RHOT1: variants seen among roughly 807,000 people sequenced by gnomAD.
The protein encoded by RHOT1 is mitochondrial Rho GTPase 1.
RHOT1 carries 27 observed loss-of-function variants against 95.3 expected under a neutral mutation model. That is an observed-to-expected ratio of 0.28 (90% CI 0.21 to 0.39). The LOEUF (loss-of-function observed/expected upper bound fraction) is 0.39. Among genes scored for constraint, RHOT1 ranks in the 10% least tolerant of loss-of-function variants. The pLI, the probability that RHOT1 is intolerant of heterozygous loss-of-function variation, is 1.00. For synonymous variants in RHOT1, 227 were observed against 263.5 expected (o/e 0.86, Z 1.34); for missense variants, 578 against 786.7 (o/e 0.73, Z 3.17).
chr17:32,214,334 T>TG (rs1192296767), intron 19 of RHOT1, among the ~76,000 whole-genome samples: 1 of 152,208 alleles, frequency 6.6e-6, no homozygotes, highest in Admixed American at 6.5e-5. Flanking sequence ...GGTCTGGTGT[T>TG]GCCAGGTTTT....
At chr17:32,209,448 A>G in intron 18 of RHOT1, 1 of 1,549,978 alleles carries the variant, frequency 6.5e-7, no homozygotes, top group Non-Finnish European at 8.9e-7. Context: ...ACTGCTTTGT[A>G]AGTTACTTTT....
chr17:32,168,264 C>T (rs1473416765), intron 1 of RHOT1, among the ~76,000 whole-genome samples: 2 of 152,012 alleles, frequency 1.3e-5, no homozygotes, highest in East Asian at 1.9e-4. Flanking sequence ...CACTCACATA[C>T]ACATGCATGT....
chr17:32,163,491 G>A (rs1279709188), intron 1 of RHOT1, among the ~76,000 whole-genome samples: 1 of 152,204 alleles, frequency 6.6e-6, no homozygotes, highest in Non-Finnish European at 1.5e-5. Context: ...CCAGCATTTT[G>A]GGAGGCCAAG....
chr17:32,161,698 C>T (rs556245251), intron 1 of RHOT1, among the ~76,000 whole-genome samples: 2 of 152,324 alleles, frequency 1.3e-5, no homozygotes, highest in African/African-American at 2.4e-5. Context: ...TCAACTATGT[C>T]AGATTTCTCT....
At chr17:32,177,789 G>T (rs1399916574) in intron 6 of RHOT1, among the ~76,000 whole-genome samples, 1 of 148,150 alleles carries the variant, frequency 6.7e-6, no homozygotes, top group Non-Finnish European at 1.5e-5. Context: ...CGAGCCTGCA[G>T]ATGGCTGCAG....
intron 8 of RHOT1, among the ~76,000 whole-genome samples, chr17:32,184,684 G>T (rs2035897926): frequency 6.6e-6 from 1 of 151,892 alleles, no homozygotes; most frequent in African/African-American, 2.4e-5. Context: ...TTTTTGTAAA[G>T]ACAGGGTTTC....
intron 4 of RHOT1, 97 bp downstream of exon 4, chr17:32,175,459 G>C: frequency 7.7e-7 from 1 of 1,297,554 alleles, no homozygotes; most frequent in Non-Finnish European, 1.1e-6. Context: ...GTTGGTTTTT[G>C]TGTTTTTTTT....
intron 16 of RHOT1, among the ~76,000 whole-genome samples, chr17:32,206,326 C>T (rs2037732066): frequency 2.0e-5 from 3 of 150,672 alleles, no homozygotes; most frequent in Non-Finnish European, 3.0e-5. Context: ...CTGCCTTAGC[C>T]TCCCCAGTAG....
rs368688449 is a variant in RHOT1, at chr17:32,186,626, A to G, written c.540+3354A>G. On this transcript the variant is annotated intron_variant, in intron 8 of 19. Coordinates refer to ENST00000545287, the MANE Select transcript of RHOT1 (RefSeq NM_001033566.3). ...GTGATCCGCCCGCCTCGGCCCCCCA[A>G]AGTGCTGGGATTACAGGCGTGAGCC... Among the ~76,000 whole-genome samples the G allele has an allele frequency of 2.6e-5, 4 of 151,772 alleles. No individual in the cohort carries two copies. In the East Asian group the frequency reaches 7.8e-4, roughly 30 times the overall value.
intron 19 of RHOT1, among the ~76,000 whole-genome samples, chr17:32,214,269 G>A (rs1054208263): frequency 1.3e-5 from 2 of 152,178 alleles, no homozygotes; most frequent in African/African-American, 4.8e-5. Context: ...GACTGTGACA[G>A]GCACTGTCTA....
chr17:32,192,907 C>T (rs915989578), intron 9 of RHOT1, among the ~76,000 whole-genome samples: 11 of 152,028 alleles, frequency 7.2e-5, no homozygotes, highest in South Asian at 2.1e-4. Flanking sequence ...CCTCGTGATC[C>T]GCCTGCCTCA....
intron 10 of RHOT1, among the ~76,000 whole-genome samples, chr17:32,193,728 T>C (rs1298896394): frequency 6.6e-6 from 1 of 152,224 alleles, no homozygotes; most frequent in Non-Finnish European, 1.5e-5. Context: ...CATATAACTT[T>C]GTGCATGTCA....
intron 19 of RHOT1, among the ~76,000 whole-genome samples, chr17:32,223,519 A>G (rs1416528695): frequency 1.3e-5 from 2 of 151,630 alleles, no homozygotes; most frequent in African/African-American, 4.8e-5. Context: ...GGTTCAAGCA[A>G]TTCTCCTGCC....
At chr17:32,143,015 A>G in intron 1 of RHOT1, 1 of 703,102 alleles carries the variant, frequency 1.4e-6, no homozygotes, top group Non-Finnish European at 2.7e-6. Context: ...ATTAGCCCTA[A>G]CCGCCCGACC....
intron 19 of RHOT1, among the ~76,000 whole-genome samples, chr17:32,220,805 C>CAA (rs35901144): frequency 0.015 from 1,497 of 98,842 alleles, 39 homozygotes; most frequent in African/African-American, 0.045. Context: ...GACTCTGTCT[C>CAA]AAAAAAAAAA....
intron 2 of RHOT1, among the ~76,000 whole-genome samples, chr17:32,172,472 T>C (rs986087787): frequency 4.6e-5 from 7 of 152,248 alleles, no homozygotes; most frequent in African/African-American, 1.7e-4. Context: ...TTAGGGATTG[T>C]AAGTAATCTA....
intron 19 of RHOT1, among the ~76,000 whole-genome samples, chr17:32,222,532 G>C (rs764507247): frequency 2.0e-5 from 3 of 152,192 alleles, no homozygotes; most frequent in Non-Finnish European, 4.4e-5. Context: ...TGTCTGGAGT[G>C]GGTGTGTGTG....
At chr17:32,146,996 G>A (rs925061070) in intron 1 of RHOT1, among the ~76,000 whole-genome samples, 10 of 147,648 alleles carry the variant, frequency 6.8e-5, no homozygotes, top group Middle Eastern at 3.6e-3. Context: ...CACCCACCTC[G>A]GCCTCCCAAA....
chr17:32,214,935 C>A, intron 19 of RHOT1, among the ~76,000 whole-genome samples: 1 of 109,884 alleles, frequency 9.1e-6, no homozygotes, highest in African/African-American at 3.4e-5. Flanking sequence ...GAGATGGAGT[C>A]TCACCCTGCC....
Sources: allele counts gnomAD v4.1 joint callset (sites outside exome capture counted in the v4.1 genomes callset), GRCh38; gene constraint gnomAD v4.1.1; transcripts MANE v1.5; gene names NCBI Gene and HGNC (gene_info 2026-07-23, HGNC 2026-07-21).